Variants in SAP18 observed in about 807,000 individuals in gnomAD.
SAP18 encodes the protein Sin3A associated protein 18.
SAP18 carries 4 observed loss-of-function variants against 18.6 expected under a neutral mutation model. That is an observed-to-expected ratio of 0.21 (90% CI 0.11 to 0.49). The LOEUF is 0.49. Among genes scored for constraint, SAP18 ranks in the 20% least tolerant of loss-of-function variants. SAP18 has a pLI of 0.98. For synonymous variants in SAP18, 112 were observed against 82.8 expected, an observed-to-expected ratio of 1.35 and a Z score of -1.92; for missense variants, 170 against 226.4, an observed-to-expected ratio of 0.75 and a Z score of 1.60.
At chr13:21,145,625 C>T (rs986398443) in intron 2 of SAP18, among the ~76,000 whole-genome samples, 2 of 152,160 alleles carry the variant, frequency 1.3e-5, no homozygotes, top group African/African-American at 4.8e-5. Flanking sequence ...CTTGTCTCAG[C>T]CTCTCGAGTA....
chr13:21,148,401 T>C (rs1400523274), exon 4 of SAP18: 1 of 152,198 alleles, frequency 6.6e-6, no homozygotes. Flanking sequence ...ACTACTCTCA[T>C]TTTGAAGTTT....
chr13:21,146,755 TA>T, intron 2 of SAP18, 49 bp from the exon 3 acceptor site: 1 of 1,433,666 alleles, frequency 7.0e-7, no homozygotes, highest in Non-Finnish European at 9.5e-7. Flanking sequence ...CTTTTAATAT[TA>T]TTGCTGATTA....
chr13:21,144,427 A>T (rs977772907), intron 2 of SAP18, among the ~76,000 whole-genome samples: 5 of 151,194 alleles, frequency 3.3e-5, no homozygotes, highest in African/African-American at 1.2e-4. Context: ...AAAAAAAAAA[A>T]AAAAGCTTTA....
chr13:21,140,418 C>A, upstream of SAP18: 1 of 990,204 alleles, frequency 1.0e-6, no homozygotes, highest in African/African-American at 1.6e-5. Context: ...CCCGCCTTTT[C>A]CCGAAGTCGC....
At chr13:21,140,524 A>C (rs1271663419) in exon 1 of SAP18, 3 of 1,558,776 alleles carry the variant, frequency 1.9e-6, no homozygotes, top group East Asian at 2.4e-5. Flanking sequence ...TAAAGTGTCG[A>C]GCTTCTCCTC....
intron 2 of SAP18, among the ~76,000 whole-genome samples, chr13:21,144,599 C>T (rs1869583115): frequency 6.6e-6 from 1 of 151,958 alleles, no homozygotes; most frequent in Non-Finnish European, 1.5e-5. Context: ...AATTTAAGGT[C>T]AATTGGTTGT....
chr13:21,147,330 G>A, exon 4 of SAP18: 4 of 1,605,604 alleles, frequency 2.5e-6, no homozygotes, highest in African/African-American at 1.3e-5. Context: ...CAGGGCGCAT[G>A]AGACCATATT....
At chr13:21,140,746 G>T in intron 1 of SAP18, 65 bp downstream of exon 1, 1 of 1,595,756 alleles carries the variant, frequency 6.3e-7, no homozygotes, top group Non-Finnish European at 8.5e-7. Flanking sequence ...GGGTGCAGAG[G>T]CGCGGCCTGT....
exon 2 of SAP18, chr13:21,140,981 G>A (rs1390610669): frequency 2.0e-6 from 3 of 1,479,410 alleles, no homozygotes; most frequent in Non-Finnish European, 2.7e-6. Context: ...CCAGCGAGTT[G>A]CAGATCTACA....
In SAP18 at chr13:21,142,986, G is replaced by T. The variant is rs77446930; in HGVS notation, c.239+1991G>T. ...CCTATTCTGCATATTTCATTTCAGT[G>T]AACTCATTACAGTATTCGTCATTTT... On this transcript the variant is annotated intron_variant, in intron 2 of 3. Transcript: ENST00000621421. 2.2e-3 allele frequency among the ~76,000 whole-genome samples: 332 copies of T among 152,256 alleles called. 1 individual carries two copies. In the East Asian group the frequency reaches 0.024, roughly 11 times the overall value.
At chr13:21,141,907 T>C (rs1869481772) in intron 2 of SAP18, among the ~76,000 whole-genome samples, 1 of 151,682 alleles carries the variant, frequency 6.6e-6, no homozygotes. Context: ...CCTCAAGTGA[T>C]CTGCCTGCCT....
chr13:21,147,376 G>T, exon 4 of SAP18: 1 of 1,568,460 alleles, frequency 6.4e-7, no homozygotes, highest in Non-Finnish European at 8.7e-7. Context: ...TTATTTTTCC[G>T]TCAGTTATGT....
chr13:21,140,812 C>G lies in SAP18; in HGVS notation c.130-74C>G, dbSNP rs771098354. On this transcript the variant is annotated intron_variant, in intron 1 of 3. Coordinates refer to ENST00000621421, the Ensembl canonical transcript of SAP18. ...GGGAGGCTCGGAGGCCGCAACGCCT[C>G]GGGAAGAGAGATGAGCTCCGGGTTC... 13 of 1,572,996 alleles carry G rather than the reference C, an allele frequency of 8.3e-6. No homozygotes were observed. In the South Asian group the frequency reaches 1.4e-4, roughly 17 times the overall value.
chr13:21,140,844 G>T (rs772472003), intron 1 of SAP18, 42 bp from the exon 2 acceptor site: 4 of 1,584,536 alleles, frequency 2.5e-6, no homozygotes, highest in Non-Finnish European at 3.5e-6. Context: ...GTTCGCAGCT[G>T]GTGTTTTTAA....
At chr13:21,144,398 T>TC (rs1869569036) in intron 2 of SAP18, among the ~76,000 whole-genome samples, 1 of 87,026 alleles carries the variant, frequency 1.1e-5, no homozygotes, top group African/African-American at 4.8e-5. Context: ...AGAGCGGGAC[T>TC]CCATCTCAAA....
chr13:21,141,023 C>A, intron 2 of SAP18, 28 bp downstream of exon 2: 1 of 1,446,176 alleles, frequency 6.9e-7, no homozygotes. Flanking sequence ...GCCTCAGGGA[C>A]CCGGGCCGGG....
At chr13:21,140,423 A>C, upstream of SAP18, 1 of 1,031,978 alleles carries the variant, frequency 9.7e-7, no homozygotes, top group Non-Finnish European at 1.4e-6. Flanking sequence ...CTTTTCCCGA[A>C]GTCGCAACAC....
At chr13:21,143,916 A>C (rs1337146981) in intron 2 of SAP18, among the ~76,000 whole-genome samples, 1 of 152,212 alleles carries the variant, frequency 6.6e-6, no homozygotes, top group Non-Finnish European at 1.5e-5. Context: ...TCCCAGAAAT[A>C]GTAATGAGGG....
intron 1 of SAP18, 71 bp downstream of exon 1, chr13:21,140,752 C>T (rs1291921764): frequency 6.3e-7 from 1 of 1,594,416 alleles, no homozygotes; most frequent in Non-Finnish European, 8.6e-7. Context: ...AGAGGCGCGG[C>T]CTGTGTGCTG....
Sources: allele counts gnomAD v4.1 joint callset (sites outside exome capture counted in the v4.1 genomes callset), GRCh38; gene constraint gnomAD v4.1.1; transcripts MANE v1.5; gene names NCBI Gene and HGNC (gene_info 2026-07-23, HGNC 2026-07-21).